Variants in MAGI1 observed in about 807,000 individuals in gnomAD.
MAGI1 encodes membrane associated guanylate kinase, WW and PDZ domain containing 1.
Under a neutral mutation model 139.9 loss-of-function variants are expected in MAGI1, and 58 were observed. That is an observed-to-expected ratio of 0.41 (90% CI 0.34 to 0.52). MAGI1 has a LOEUF of 0.52. Ranked by LOEUF, MAGI1 falls within the 20% of genes least tolerant of loss-of-function variation. The pLI is 0.12. For synonymous variants in MAGI1, 812 were observed against 737.9 expected (o/e 1.10, Z -1.63); for missense variants, 1,874 against 1,901.6 (o/e 0.99, Z 0.27).
At chr3:65,687,375 C>A (rs2088144296) in intron 1 of MAGI1, 1 of 321,732 alleles carries the variant, frequency 3.1e-6, no homozygotes, top group South Asian at 3.4e-5. Flanking sequence ...GAGTTCAGGC[C>A]CTTTGTACCA....
chr3:65,664,750 A>G (rs1401309329), intron 1 of MAGI1, among the ~76,000 whole-genome samples: 1 of 152,202 alleles, frequency 6.6e-6, no homozygotes, highest in East Asian at 1.9e-4. Flanking sequence ...GTGGAGATCA[A>G]ACAAGACCAT....
chr3:65,379,672 C>T, intron 16 of MAGI1, 118 bp from the exon 17 acceptor site: 1 of 1,486,250 alleles, frequency 6.7e-7, no homozygotes, highest in East Asian at 2.3e-5. Flanking sequence ...GGGGAGGAGA[C>T]AGCACCTGGT....
intron 1 of MAGI1, among the ~76,000 whole-genome samples, chr3:65,708,276 T>C (rs1245699340): frequency 6.6e-6 from 1 of 152,140 alleles, no homozygotes; most frequent in Non-Finnish European, 1.5e-5. Context: ...AAAGAGATGG[T>C]AGTAAACGCC....
intron 2 of MAGI1, among the ~76,000 whole-genome samples, chr3:65,516,692 G>C (rs1227824065): frequency 7.0e-6 from 1 of 143,132 alleles, no homozygotes; most frequent in Non-Finnish European, 1.5e-5. Flanking sequence ...ATGAGGATTT[G>C]GGAAGAAACA....
chr3:65,562,127 G>A (rs559782031), intron 2 of MAGI1, among the ~76,000 whole-genome samples: 25 of 150,308 alleles, frequency 1.7e-4, no homozygotes, highest in African/African-American at 6.1e-4. Context: ...TGTATGTATA[G>A]GAATAAACAG....
At chr3:65,752,648 C>G (rs183667810) in intron 1 of MAGI1, among the ~76,000 whole-genome samples, 2 of 152,146 alleles carry the variant, frequency 1.3e-5, no homozygotes, top group Non-Finnish European at 2.9e-5. Context: ...TTCACAAAGA[C>G]TCTCTACTTG....
intron 1 of MAGI1, among the ~76,000 whole-genome samples, chr3:65,627,593 C>T (rs1012301038): frequency 2.8e-5 from 4 of 142,756 alleles, no homozygotes; most frequent in Admixed American, 2.2e-4. Flanking sequence ...CTGCAAGTTC[C>T]GCCTCCCGGG....
chr3:65,992,309 T>C (rs926904313), intron 1 of MAGI1, among the ~76,000 whole-genome samples: 1 of 152,236 alleles, frequency 6.6e-6, no homozygotes, highest in Non-Finnish European at 1.5e-5. Context: ...GACTCACCTA[T>C]ATCTTGACAA....
intron 1 of MAGI1, among the ~76,000 whole-genome samples, chr3:65,991,839 AC>A (rs1461912035): frequency 1.3e-5 from 2 of 151,976 alleles, no homozygotes; most frequent in Admixed American, 1.3e-4. Context: ...ACATGGTGAA[AC>A]CCCATCTCTA....
chr3:65,372,002 A>C, intron 18 of MAGI1: 1 of 326,690 alleles, frequency 3.1e-6, no homozygotes, highest in South Asian at 2.5e-5. Context: ...CTCTTCTAAA[A>C]TCTTGTTAAG....
At chr3:65,520,166 G>A (rs2078089354) in intron 2 of MAGI1, among the ~76,000 whole-genome samples, 1 of 152,168 alleles carries the variant, frequency 6.6e-6, no homozygotes, top group African/African-American at 2.4e-5. Context: ...CCATCCCGCT[G>A]AGCCCTAGTC....
intron 2 of MAGI1, among the ~76,000 whole-genome samples, chr3:65,608,803 T>C (rs1464038730): frequency 1.3e-5 from 2 of 152,158 alleles, no homozygotes; most frequent in African/African-American, 2.4e-5. Flanking sequence ...CATATGTCCA[T>C]TGTATAAGAA....
In MAGI1 at chr3:65,493,692, A is replaced by G. The variant is rs1952219371; in HGVS notation, c.431-61T>C. 5 of 1,599,132 alleles carry G rather than the reference A, an allele frequency of 3.1e-6. No individual in the cohort carries two copies. The South Asian group carries it at 4.4e-5, about 14-fold the overall frequency. ...AATCAACTAAAACAGGAAGTTCCAC[A>G]TCCAGGTGTAATTAAAATAACCTGT... On this transcript the variant is annotated intron_variant, in intron 2 of 22. Transcript: ENST00000402939.
intron 1 of MAGI1, among the ~76,000 whole-genome samples, chr3:65,756,046 T>C (rs932366435): frequency 6.6e-6 from 1 of 152,218 alleles, no homozygotes; most frequent in Non-Finnish European, 1.5e-5. Flanking sequence ...TTCCAAAGAT[T>C]TTCTATAACT....
intron 1 of MAGI1, among the ~76,000 whole-genome samples, chr3:65,962,550 A>G (rs2064491495): frequency 1.3e-5 from 2 of 152,058 alleles, no homozygotes; most frequent in South Asian, 4.1e-4. Context: ...AAGTCATGAC[A>G]CTGGCCAGGC....
intron 5 of MAGI1, among the ~76,000 whole-genome samples, chr3:65,464,622 T>C (rs1460233639): frequency 3.9e-5 from 6 of 152,200 alleles, no homozygotes; most frequent in Non-Finnish European, 2.9e-5. Flanking sequence ...AAGATATATT[T>C]TTCCATCCTT....
chr3:65,699,722 T>A (rs2089464295), intron 1 of MAGI1, among the ~76,000 whole-genome samples: 1 of 105,186 alleles, frequency 9.5e-6, no homozygotes, highest in Non-Finnish European at 1.8e-5. Context: ...CTCTGGGGAC[T>A]GTGGTGGGGT....
At chr3:65,802,858 G>GTGTGTA (rs2040603512) in intron 1 of MAGI1, among the ~76,000 whole-genome samples, 1 of 150,804 alleles carries the variant, frequency 6.6e-6, no homozygotes, top group South Asian at 2.1e-4. Context: ...CTGTGTGTGT[G>GTGTGTA]TGTGTGTGTG....
intron 1 of MAGI1, among the ~76,000 whole-genome samples, chr3:65,923,226 C>CTTTTTTTTTTTTTTTTTTT (rs72035925): frequency 7.1e-6 from 1 of 139,962 alleles, no homozygotes; most frequent in Non-Finnish European, 1.5e-5. Context: ...CAACAGACAT[C>CTTTTTTTTTTTTTTTTTTT]TTTTTTTTTT....
Sources: allele counts gnomAD v4.1 joint callset (sites outside exome capture counted in the v4.1 genomes callset), GRCh38; gene constraint gnomAD v4.1.1; transcripts MANE v1.5; gene names NCBI Gene and HGNC (gene_info 2026-07-23, HGNC 2026-07-21).